Variants in TPTE observed in about 807,000 individuals in gnomAD.
TPTE encodes putative tyrosine-protein phosphatase TPTE.
In TPTE, 59 loss-of-function variants were observed where a neutral mutation model predicts 84.1. The ratio of observed to expected loss-of-function variants is 0.70; its 90% CI spans 0.57 to 0.87. TPTE has a LOEUF of 0.87. TPTE is among the 40% of genes least tolerant of loss of function. The pLI, the probability that TPTE is intolerant of heterozygous loss-of-function variation, is 0.00. For synonymous variants in TPTE, 130 were observed against 223.5 expected (o/e 0.58, Z 3.73); for missense variants, 382 against 659.6 (o/e 0.58, Z 4.61).
intron 7 of TPTE, among the ~76,000 whole-genome samples, chr21:10,544,985 C>A (rs1389466318): frequency 2.6e-5 from 4 of 152,302 alleles, no homozygotes; most frequent in South Asian, 2.1e-4. Context: ...AAATTAAATA[C>A]CATGTTTCAA....
intron 5 of TPTE, among the ~76,000 whole-genome samples, chr21:10,541,471 C>G (rs1168728919): frequency 6.7e-6 from 1 of 150,068 alleles, no homozygotes; most frequent in Admixed American, 6.6e-5. Context: ...GAAACTGTTG[C>G]AAAAATGAAA....
chr21:10,551,622 A>C (rs2074576009), intron 7 of TPTE, among the ~76,000 whole-genome samples: 2 of 152,300 alleles, frequency 1.3e-5, no homozygotes, highest in African/African-American at 2.4e-5. Context: ...AAATTACAAA[A>C]GGTTAACAAC....
intron 3 of TPTE, among the ~76,000 whole-genome samples, chr21:10,534,107 C>T (rs577082685): frequency 6.5e-4 from 99 of 152,362 alleles, no homozygotes; most frequent in African/African-American, 2.2e-3. Context: ...TTAGTTTACA[C>T]ACTAGGTTAG....
chr21:10,574,582 A>G (rs1225196727), intron 14 of TPTE, among the ~76,000 whole-genome samples: 5 of 152,306 alleles, frequency 3.3e-5, no homozygotes, highest in African/African-American at 4.8e-5. Flanking sequence ...AGCACCTTCA[A>G]CTGAGATAAC....
At chr21:10,526,900 AG>A (rs1455485292) in intron 2 of TPTE, among the ~76,000 whole-genome samples, 1 of 152,312 alleles carries the variant, frequency 6.6e-6, no homozygotes, top group Admixed American at 6.5e-5. Context: ...TTTCGGTGCT[AG>A]GAAGTCTTGA....
At chr21:10,555,870 G>C (rs1487071107) in intron 8 of TPTE, among the ~76,000 whole-genome samples, 2 of 152,300 alleles carry the variant, frequency 1.3e-5, no homozygotes, top group East Asian at 3.8e-4. Context: ...GAATAAAACT[G>C]GACTCGTACC....
chr21:10,591,388 G>T (rs1600969667), intron 18 of TPTE, among the ~76,000 whole-genome samples: 1 of 152,308 alleles, frequency 6.6e-6, no homozygotes, highest in South Asian at 2.1e-4. Context: ...GAGATACACA[G>T]ATTTTGAAAA....
chr21:10,542,432 G>A lies in TPTE; in HGVS notation c.103G>A (p.Ala35Thr), dbSNP rs143765390. The change falls in exon 6 of 24, where the codon GCA becomes ACA. Residue 35 changes from alanine (A) to threonine (T), a missense_variant. Ala to Thr is a moderately conservative substitution (Grantham distance 58). Coordinates refer to ENST00000618007, the MANE Select transcript of TPTE (RefSeq NM_199261.4). ...TSEFKGATEE[A>T]PAKESPHTSE... The stretch of plus-strand genomic sequence containing the variant: ...TGAATTTAAAGGAGCAACCGAGGAG[G>A]CACCTGCGAAAGAAAGGTGAGCAAT... 3 of 1,611,324 alleles carry A rather than the reference G, an allele frequency of 1.9e-6. No homozygotes were observed. The highest frequency in any genetic ancestry group is 1.3e-5 in the African/African-American group (1 of 74,886).
At chr21:10,522,135 C>A (rs1381778039) in intron 1 of TPTE, among the ~76,000 whole-genome samples, 2 of 152,352 alleles carry the variant, frequency 1.3e-5, no homozygotes, top group African/African-American at 2.4e-5. Context: ...GCCCGGCTCT[C>A]GTTGTCTTGT....
chr21:10,589,474 C>A (rs2075425145), intron 17 of TPTE, among the ~76,000 whole-genome samples: 1 of 151,894 alleles, frequency 6.6e-6, no homozygotes, highest in Non-Finnish European at 1.5e-5. Flanking sequence ...TCCCTCAGCC[C>A]TAGGGGTAGG....
At chr21:10,561,228 T>G (rs2074797873) in intron 10 of TPTE, 37 bp downstream of exon 10, 5 of 1,607,296 alleles carry the variant, frequency 3.1e-6, no homozygotes, top group Non-Finnish European at 4.2e-6. Flanking sequence ...TTAAGCTACT[T>G]TGTAGTTTTA....
rs1175222524 is a variant in TPTE, at chr21:10,592,369, C to T, written c.1166C>T (p.Ser389Phe). The change falls in exon 19 of 24, where the codon TCT (serine) becomes TTT (phenylalanine). Residue 389 changes from serine (S) to phenylalanine (F), a missense_variant. Physicochemically the swap from Ser to Phe is radical, Grantham distance 155. This residue lies in a region of TPTE where 19 missense variants were observed against 59.2 expected (regional missense o/e 0.32). Coordinates refer to ENST00000618007, the MANE Select transcript of TPTE (RefSeq NM_199261.4). ...AAATTTCAGGGAGTAAAAACTCCTT[C>T]TCAGGTAAGTTTTCTTTTTAAAAAT... Reference protein sequence around the residue: ...SEKFQGVKTPSQKRYVAYFAQ... With the variant: ...SEKFQGVKTPFQKRYVAYFAQ... The T allele has an allele frequency of 6.2e-7, 1 of 1,612,582 alleles. No homozygotes were observed. The highest frequency in any genetic ancestry group is 8.5e-7 in the Non-Finnish European group (1 of 1,178,796).
chr21:10,546,212 T>TA (rs2074465038), intron 7 of TPTE, among the ~76,000 whole-genome samples: 1 of 152,308 alleles, frequency 6.6e-6, no homozygotes, highest in African/African-American at 2.4e-5. Context: ...TCATATCTGT[T>TA]ATGGTGATAT....
In TPTE at chr21:10,561,196, G is replaced by A; in HGVS notation, c.446+5G>A. 1 of 1,611,330 alleles carries A rather than the reference G, an allele frequency of 6.2e-7. No homozygotes were observed. The highest frequency in any genetic ancestry group is 8.5e-7 in the Non-Finnish European group (1 of 1,179,682). On this transcript the variant is annotated splice_donor_5th_base_variant and intron_variant, in intron 10 of 23. Coordinates refer to ENST00000618007, the MANE Select transcript of TPTE (RefSeq NM_199261.4). Reference sequence around the variant, plus strand: ...TCTTCGAGTATTTGTAGAAAGGTAAGTTTGATTATTTTTATAATGCATTAA... The same window carrying A: ...TCTTCGAGTATTTGTAGAAAGGTAAATTTGATTATTTTTATAATGCATTAA...
intron 19 of TPTE, among the ~76,000 whole-genome samples, chr21:10,593,364 T>C (rs2075522050): frequency 6.6e-6 from 1 of 152,312 alleles, no homozygotes; most frequent in African/African-American, 2.4e-5. Flanking sequence ...GTTTCCAAAA[T>C]TGTCTTAAAA....
At chr21:10,528,509 A>T (rs1294346104) in intron 3 of TPTE, among the ~76,000 whole-genome samples, 1 of 152,308 alleles carries the variant, frequency 6.6e-6, no homozygotes, top group African/African-American at 2.4e-5. Flanking sequence ...TAAGTTGGTC[A>T]TATCACCGCT....
At chr21:10,539,883 C>T (rs1290089656) in intron 4 of TPTE, among the ~76,000 whole-genome samples, 6 of 152,308 alleles carry the variant, frequency 3.9e-5, no homozygotes, top group African/African-American at 1.4e-4. Flanking sequence ...GTGGCAGGCA[C>T]CTGTAGTCCC....
chr21:10,530,570 G>A (rs554556014), intron 3 of TPTE, among the ~76,000 whole-genome samples: 55 of 152,400 alleles, frequency 3.6e-4, no homozygotes, highest in African/African-American at 1.1e-3. Context: ...CCCCTAGTGA[G>A]GAACACATAT....
At chr21:10,561,606 C>G (rs1271094268) in intron 10 of TPTE, among the ~76,000 whole-genome samples, 6 of 152,310 alleles carry the variant, frequency 3.9e-5, no homozygotes, top group Admixed American at 2.0e-4. Context: ...AGTACCCCCC[C>G]CATGTCCTGT....
Sources: allele counts gnomAD v4.1 joint callset (sites outside exome capture counted in the v4.1 genomes callset), GRCh38; gene constraint gnomAD v4.1.1; regional missense constraint gnomAD v4.1.1; transcripts MANE v1.5; gene names NCBI Gene and HGNC (gene_info 2026-07-23, HGNC 2026-07-21).